The following PLXDC2 variants were observed in gnomAD, a reference collection of about 807,000 sequenced individuals.
The protein encoded by PLXDC2 is plexin domain containing 2.
Under a neutral mutation model 68.9 loss-of-function variants are expected in PLXDC2, and 40 were observed. The observed-to-expected ratio is 0.58, with a 90% CI of 0.45 to 0.76. PLXDC2 has a LOEUF of 0.76. PLXDC2 is among the 30% of genes least tolerant of loss of function. The pLI, the probability that PLXDC2 is intolerant of heterozygous loss-of-function variation, is 0.00. For synonymous variants in PLXDC2, 243 were observed against 234.2 expected (o/e 1.04, Z -0.34); for missense variants, 644 against 661.9 (o/e 0.97, Z 0.30).
At chr10:20,054,942 A>G (rs935001237) in intron 3 of PLXDC2, among the ~76,000 whole-genome samples, 1 of 152,090 alleles carries the variant, frequency 6.6e-6, no homozygotes, top group African/African-American at 2.4e-5. Context: ...CTATGTATAT[A>G]TTTTTGCCAA....
At chr10:19,836,957 C>T (rs1836804873) in intron 1 of PLXDC2, among the ~76,000 whole-genome samples, 1 of 152,130 alleles carries the variant, frequency 6.6e-6, no homozygotes, top group South Asian at 2.1e-4. Flanking sequence ...ACTTTCTAGC[C>T]TTTATTTGTG....
At chr10:20,258,335 C>T (rs76400555) in intron 13 of PLXDC2, among the ~76,000 whole-genome samples, 2,223 of 152,050 alleles carry the variant, frequency 0.015, 49 homozygotes, top group African/African-American at 0.049. Context: ...TCCTTCCTTT[C>T]GCCGAAGACT....
intron 1 of PLXDC2, among the ~76,000 whole-genome samples, chr10:19,945,219 A>G (rs1169813806): frequency 6.6e-6 from 1 of 152,184 alleles, no homozygotes; most frequent in Non-Finnish European, 1.5e-5. Context: ...ATACAAGAGC[A>G]CTTGTAGATT....
intron 5 of PLXDC2, among the ~76,000 whole-genome samples, chr10:20,147,424 A>G (rs1003669358): frequency 2.0e-5 from 3 of 152,182 alleles, no homozygotes; most frequent in Non-Finnish European, 4.4e-5. Flanking sequence ...TGTCAAATGT[A>G]TTTGAAGTTC....
intron 4 of PLXDC2, among the ~76,000 whole-genome samples, chr10:20,093,051 T>C (rs1220580050): frequency 6.6e-6 from 1 of 152,136 alleles, no homozygotes; most frequent in African/African-American, 2.4e-5. Context: ...ACCATGTTTG[T>C]AGAAATTTGT....
chr10:20,098,002 G>T (rs893457216), intron 4 of PLXDC2, among the ~76,000 whole-genome samples: 8 of 150,660 alleles, frequency 5.3e-5, no homozygotes, highest in Non-Finnish European at 1.0e-4. Context: ...GTTGTGTGTT[G>T]TGTGTGGTGG....
At chr10:20,046,654 T>C (rs1835803790) in intron 2 of PLXDC2, among the ~76,000 whole-genome samples, 7 of 152,136 alleles carry the variant, frequency 4.6e-5, no homozygotes. Flanking sequence ...ATTATTCAAA[T>C]CATAGAGCTA....
At chr10:20,241,643 G>A (rs1467993388) in intron 12 of PLXDC2, among the ~76,000 whole-genome samples, 5 of 151,934 alleles carry the variant, frequency 3.3e-5, no homozygotes, top group Admixed American at 1.3e-4. Context: ...ACCAGGCATG[G>A]TGGCACATGC....
At chr10:19,821,629 C>T (rs755332494) in intron 1 of PLXDC2, among the ~76,000 whole-genome samples, 1 of 152,192 alleles carries the variant, frequency 6.6e-6, no homozygotes, top group African/African-American at 2.4e-5. Context: ...CTGACTAGAA[C>T]TATAGTTCAA....
chr10:19,889,266 T>C (rs1837904623), intron 1 of PLXDC2, among the ~76,000 whole-genome samples: 1 of 152,074 alleles, frequency 6.6e-6, no homozygotes, highest in Non-Finnish European at 1.5e-5. Flanking sequence ...GTCTCTTCTT[T>C]TCATTGCCGG....
At chr10:19,829,045 T>C (rs1836630172) in intron 1 of PLXDC2, among the ~76,000 whole-genome samples, 1 of 152,234 alleles carries the variant, frequency 6.6e-6, no homozygotes, top group South Asian at 2.1e-4. Context: ...CTGTTTGACC[T>C]CTTCAGGTTC....
intron 1 of PLXDC2, among the ~76,000 whole-genome samples, chr10:19,927,411 C>T (rs1368112581): frequency 6.6e-6 from 1 of 151,858 alleles, no homozygotes; most frequent in Non-Finnish European, 1.5e-5. Context: ...TTTATAAAAG[C>T]AAGGAATTGG....
chr10:20,058,848 G>A (rs985723841), intron 3 of PLXDC2, among the ~76,000 whole-genome samples: 4 of 152,164 alleles, frequency 2.6e-5, no homozygotes, highest in Admixed American at 6.5e-5. Flanking sequence ...GAAAATTTTA[G>A]GGCATACAAG....
intron 1 of PLXDC2, among the ~76,000 whole-genome samples, chr10:19,930,065 A>T (rs964467313): frequency 6.6e-6 from 1 of 151,924 alleles, no homozygotes; most frequent in African/African-American, 2.4e-5. Context: ...CTAGAATTTC[A>T]TTGCTCCAGC....
At chr10:20,263,161 C>T (rs966625283) in intron 13 of PLXDC2, among the ~76,000 whole-genome samples, 3 of 152,130 alleles carry the variant, frequency 2.0e-5, no homozygotes, top group Non-Finnish European at 4.4e-5. Flanking sequence ...AAAATAGGCA[C>T]GCAGACCAAT....
chr10:20,277,946 G>C (rs902698309), intron 13 of PLXDC2, among the ~76,000 whole-genome samples: 4 of 152,122 alleles, frequency 2.6e-5, no homozygotes, highest in Admixed American at 6.6e-5. Flanking sequence ...TGTGATGTTT[G>C]TGCCTTTCTG....
intron 1 of PLXDC2, among the ~76,000 whole-genome samples, chr10:19,881,051 G>A (rs775267472): frequency 2.0e-5 from 3 of 152,066 alleles, no homozygotes; most frequent in Admixed American, 2.0e-4. Flanking sequence ...CGAGTTGAGG[G>A]TTTTTTCCAA....
chr10:20,273,475 A>G (rs1038226958), intron 13 of PLXDC2, among the ~76,000 whole-genome samples: 1 of 152,182 alleles, frequency 6.6e-6, no homozygotes, highest in Non-Finnish European at 1.5e-5. Flanking sequence ...CATATTTCAG[A>G]GTTCACAGAA....
intron 4 of PLXDC2, among the ~76,000 whole-genome samples, chr10:20,119,853 G>A (rs1419975560): frequency 6.7e-6 from 1 of 148,474 alleles, no homozygotes; most frequent in Non-Finnish European, 1.5e-5. Flanking sequence ...GTGATGGCAT[G>A]GATATGGTTT....
Sources: allele counts gnomAD v4.1 joint callset (sites outside exome capture counted in the v4.1 genomes callset), GRCh38; gene constraint gnomAD v4.1.1; transcripts MANE v1.5; gene names NCBI Gene and HGNC (gene_info 2026-07-23, HGNC 2026-07-21).